BRME1: variants seen among roughly 807,000 people sequenced by gnomAD.
BRME1 encodes the protein break repair meiotic recombinase recruitment factor 1, also known as BRCA2 and MEILB2-associating protein 1.
In BRME1, 31 loss-of-function variants were observed where a neutral mutation model predicts 52.6. The observed-to-expected ratio is 0.59, with a 90% CI of 0.44 to 0.80. The LOEUF (loss-of-function observed/expected upper bound fraction) is 0.80. Among genes scored for constraint, BRME1 ranks in the 30% least tolerant of loss-of-function variants. The pLI is 0.00. For missense variants in BRME1, 804 were observed against 860.3 expected (o/e 0.93, Z 0.82); for synonymous variants, 359 against 353.6 (o/e 1.02, Z -0.17).
chr19:13,887,190 G>T (rs530242605), intron 6 of BRME1, among the ~76,000 whole-genome samples: 1 of 152,230 alleles, frequency 6.6e-6, no homozygotes, highest in African/African-American at 2.4e-5. Flanking sequence ...CGGCCCGCTC[G>T]ATCCATCTTT....
rs1265696567 is a variant in BRME1, at chr19:13,888,716, AG to A, written c.1668+471del. Among the ~76,000 whole-genome samples, 1 of 152,212 alleles carries A rather than the reference AG, an allele frequency of 6.6e-6. No individual in the cohort carries two copies. Among genetic ancestry groups the A allele is most frequent in the Non-Finnish European group, 1.5e-5 (1 of 68,028 alleles). On this transcript the variant is annotated intron_variant, in intron 6 of 8. Transcript: ENST00000586783. The surrounding 1 kb of genome is among the most constrained non-coding windows in gnomAD (Gnocchi z 4.1). The stretch of plus-strand genomic sequence containing the variant: ...AAAAGAATCATATCAGGACCCCCAG[AG>A]GACCCTAAGGAGATGGGCAAAGGCT...
intron 6 of BRME1, among the ~76,000 whole-genome samples, chr19:13,887,416 C>T (rs1342068984): frequency 6.6e-6 from 1 of 152,176 alleles, no homozygotes; most frequent in Admixed American, 6.5e-5. Context: ...TAATGCTGGT[C>T]GGGTTTGACC....
At position 13,888,685 on chromosome 19, in the gene BRME1, G is replaced by C. The variant is rs1221458846; in HGVS notation, c.1668+503C>G. Among the ~76,000 whole-genome samples, 1 of 152,224 alleles carries C rather than the reference G, an allele frequency of 6.6e-6. No individual in the cohort carries two copies. The highest frequency in any genetic ancestry group is 1.9e-4 in the East Asian group (1 of 5,198). On this transcript the variant is annotated intron_variant, in intron 6 of 8. Coordinates refer to ENST00000586783, the MANE Select transcript of BRME1 (RefSeq NM_001345843.2). This position sits in a 1 kb window ranked among gnomAD's most constrained non-coding sequence, Gnocchi z 4.1. ...CAGAAAAACAAAATGACTTATGTATGTTTGGAAAAGAATCATATCAGGACC... is the reference window on the plus strand; with the variant it reads ...CAGAAAAACAAAATGACTTATGTATCTTTGGAAAAGAATCATATCAGGACC...
intron 2 of BRME1, among the ~76,000 whole-genome samples, chr19:13,902,720 T>G (rs1001187639): frequency 4.3e-4 from 65 of 151,364 alleles, no homozygotes; most frequent in African/African-American, 1.5e-3. Context: ...TCACCTGAGG[T>G]TGGGAGTTCA....
In BRME1 at chr19:13,883,584, C is replaced by G; in HGVS notation, c.1764-184G>C. ...CTCCACTGCCCAGCAGGCCCAGAAC[C>G]CAACCGCTTCTCCCCTACCTGCCCT... On this transcript the variant is annotated intron_variant, in intron 7 of 8. Transcript: ENST00000586783. The surrounding 1 kb of genome is among the most constrained non-coding windows in gnomAD (Gnocchi z 4.2). The G allele has an allele frequency of 1.8e-6, 1 of 560,964 alleles. No individual in the cohort carries two copies. Among genetic ancestry groups the G allele is most frequent in the Non-Finnish European group, 3.2e-6 (1 of 311,570 alleles). 34.7% of individuals were successfully genotyped at this position (560,964 alleles called of 1,614,324 possible).
At chr19:13,898,102 AAAAT>A in intron 2 of BRME1, among the ~76,000 whole-genome samples, 1 of 152,166 alleles carries the variant, frequency 6.6e-6, no homozygotes, top group East Asian at 1.9e-4. Context: ...CCATCTCAAA[AAAAT>A]AAATAATTAA....
intron 3 of BRME1, among the ~76,000 whole-genome samples, chr19:13,894,914 G>A (rs544121554): frequency 2.0e-5 from 3 of 151,916 alleles, no homozygotes; most frequent in East Asian, 3.9e-4. Flanking sequence ...ATGGAGTCTC[G>A]CTGTTGCCCA....
At position 13,889,625 on chromosome 19, in the gene BRME1, C is replaced by T; in HGVS notation, c.1231G>A (p.Val411Ile). The change falls in exon 6 of 9, where the codon GTC (valine) becomes ATC (isoleucine). Residue 411 changes from valine to isoleucine, a missense_variant. By Grantham distance (29) the Val-to-Ile change is conservative (BLOSUM62 3). Around this residue, in one of 3 missense-constraint regions of BRME1, gnomAD observed 552 missense variants for 561.1 expected, o/e 0.98. Coordinates refer to ENST00000586783, the MANE Select transcript of BRME1 (RefSeq NM_001345843.2). ...AGGGAGGCTGTAGGGCCCACTAGGA[C>T]ATCGCCGGGGGGCTTGCCATCCTGC... ...AGQDGKPPGD[V>I]LVGPTASLAL... 1 of 1,608,492 alleles carries T rather than the reference C, an allele frequency of 6.2e-7. No individual in the cohort carries two copies. The highest frequency in any genetic ancestry group is 1.3e-5 in the African/African-American group (1 of 74,970).
At chr19:13,904,755 T>C in intron 2 of BRME1, 107 bp downstream of exon 2, 1 of 1,216,638 alleles carries the variant, frequency 8.2e-7, no homozygotes, top group Non-Finnish European at 1.2e-6. Flanking sequence ...TTGCTTCCTT[T>C]TAAGGAGGTT....
At position 13,890,452 on chromosome 19, in the gene BRME1, G is replaced by A. The variant is rs201758211; in HGVS notation, c.404C>T (p.Ala135Val). Residue 135 changes from alanine to valine, a missense_variant, in exon 6 of 9, where the codon GCA (alanine) becomes GTA (valine). Ala to Val is a moderately conservative substitution (Grantham distance 64). Coordinates refer to ENST00000586783, the MANE Select transcript of BRME1 (RefSeq NM_001345843.2). Reference protein sequence around the residue: ...GSGAFSLETIAESSAQSPGCQ... With the variant: ...GSGAFSLETIVESSAQSPGCQ... ...TCCTGGACTCTGGGCGCTGGACTCT[G>A]CGATTGTTTCCTGTGGACAGAAAAA... 2.3e-4 allele frequency: 339 copies of A among 1,495,000 alleles called. 2 individuals carry two copies. In the Middle Eastern group the frequency reaches 2.3e-3, roughly 10 times the overall value. 92.6% of individuals were successfully genotyped at this position (1,495,000 alleles called of 1,614,324 possible). A position where few individuals can be genotyped will look rare whatever the true frequency, so the allele number is the denominator to read the frequency against.
chr19:13,890,544 T>A, intron 5 of BRME1, 82 bp from the exon 6 acceptor site: 1 of 1,308,552 alleles, frequency 7.6e-7, no homozygotes, highest in Non-Finnish European at 1.0e-6. Context: ...GGTGTAAAAG[T>A]AATTGCGGGT....
chr19:13,905,463 G>A (rs577091462), intron 1 of BRME1, among the ~76,000 whole-genome samples: 2 of 149,344 alleles, frequency 1.3e-5, no homozygotes, highest in African/African-American at 5.0e-5. Flanking sequence ...AGCCGAGATC[G>A]CTCTACTGCA....
chr19:13,899,151 C>CT (rs561611001), intron 2 of BRME1, among the ~76,000 whole-genome samples: 46,753 of 137,350 alleles, frequency 0.34, 10,118 homozygotes, highest in African/African-American at 0.62. Flanking sequence ...TCTTCTTCTT[C>CT]TTTTTTTTTT....
chr19:13,897,040 C>CTT (rs35686337), intron 2 of BRME1, among the ~76,000 whole-genome samples: 1,564 of 133,298 alleles, frequency 0.012, 46 homozygotes, highest in African/African-American at 0.033. Flanking sequence ...TACATCGAAA[C>CTT]TTTTTTTTTT....
chr19:13,887,594 A>G (rs1299043380), intron 6 of BRME1, among the ~76,000 whole-genome samples: 1 of 152,124 alleles, frequency 6.6e-6, no homozygotes, highest in African/African-American at 2.4e-5. Context: ...TCTCCAAGCC[A>G]CCACTCACGA....
In BRME1 at chr19:13,883,194, T is replaced by C. The variant is rs1382785855; in HGVS notation, c.1856+114A>G. On this transcript the variant is annotated intron_variant, in intron 8 of 8. Transcript: ENST00000586783. This position sits in a 1 kb window ranked among gnomAD's most constrained non-coding sequence, Gnocchi z 4.2. ...CGGTGAGGACCCAGCAGCAGTGAGG[T>C]GCCTGACCCTCGCTGCCCACCTAGG... The C allele has an allele frequency of 9.6e-7, 1 of 1,045,794 alleles. No homozygotes were observed. The highest frequency in any genetic ancestry group is 1.4e-6 in the Non-Finnish European group (1 of 720,624). The allele number at this position is 1,045,794 out of a possible 1,614,324, so 64.8% of individuals were successfully genotyped here. A position where few individuals can be genotyped will look rare whatever the true frequency, so the allele number is the denominator to read the frequency against.
Position 13,895,470 on chromosome 19 carries a change from C to A in BRME1, c.108G>T (p.Met36Ile), listed in dbSNP as rs890488306. 1.3e-5 allele frequency: 21 copies of A among 1,614,120 alleles called. No individual in the cohort carries two copies. The highest frequency in any genetic ancestry group is 1.8e-5 in the Non-Finnish European group (21 of 1,180,016). Reference sequence around the variant, plus strand: ...CCTCAGGGTGATGTAAACAGCCCAACATGGAACTCTGGGGGTCCCCATAGA... The same window carrying A: ...CCTCAGGGTGATGTAAACAGCCCAAAATGGAACTCTGGGGGTCCCCATAGA... ...GDFYGDPQSS[M>I]LGCLHHPEEP... The change falls in exon 3 of 9, where the codon ATG becomes ATT. Residue 36 changes from methionine to isoleucine, a missense_variant. Met to Ile is a conservative substitution (Grantham distance 10, BLOSUM62 1). This residue lies in a region of BRME1 where 234 missense variants were observed against 258.1 expected (regional missense o/e 0.91). Transcript: ENST00000586783.
intron 2 of BRME1, among the ~76,000 whole-genome samples, chr19:13,900,492 C>T (rs1970222085): frequency 6.6e-6 from 1 of 152,190 alleles, no homozygotes; most frequent in Non-Finnish European, 1.5e-5. Flanking sequence ...CTGCACAAAA[C>T]ATGTTCAATC....
At chr19:13,894,023 G>T (rs1382434493) in intron 3 of BRME1, among the ~76,000 whole-genome samples, 1 of 152,128 alleles carries the variant, frequency 6.6e-6, no homozygotes, top group South Asian at 2.1e-4. Context: ...CTGTCAAGGA[G>T]GGTGCAGAGT....
Sources: allele counts gnomAD v4.1 joint callset (sites outside exome capture counted in the v4.1 genomes callset), GRCh38; gene constraint gnomAD v4.1.1; regional missense constraint gnomAD v4.1.1; non-coding constraint Gnocchi (gnomAD v3.1); transcripts MANE v1.5; gene names NCBI Gene and HGNC (gene_info 2026-07-23, HGNC 2026-07-21).